The following SLC41A2 variants were observed in gnomAD, a reference collection of about 807,000 sequenced individuals.
SLC41A2 encodes the protein SLC41A1-like 1.
SLC41A2 carries 32 observed loss-of-function variants against 58.3 expected under a neutral mutation model. The ratio of observed to expected loss-of-function variants is 0.55; its 90% CI spans 0.41 to 0.74. The LOEUF (loss-of-function observed/expected upper bound fraction) is 0.74. Among genes scored for constraint, SLC41A2 ranks in the 30% least tolerant of loss-of-function variants. The probability of loss-of-function intolerance (pLI) is 0.00; values close to 1 mark genes in which losing one functional copy is unlikely to be tolerated. For missense variants in SLC41A2, 514 were observed against 680.6 expected (o/e 0.76, Z 2.72); for synonymous variants, 190 against 235.0 (o/e 0.81, Z 1.75).
chr12:104,855,955 A>G (rs1271612604), intron 8 of SLC41A2, among the ~76,000 whole-genome samples: 1 of 150,358 alleles, frequency 6.7e-6, no homozygotes, highest in African/African-American at 2.5e-5. Context: ...CTAGAAAGGA[A>G]CAGATGTGTC....
intron 1 of SLC41A2, among the ~76,000 whole-genome samples, chr12:104,954,048 GCTTTT>G (rs2048056999): frequency 6.6e-6 from 1 of 152,032 alleles, no homozygotes; most frequent in Non-Finnish European, 1.5e-5. Flanking sequence ...TTTCATTCTT[GCTTTT>G]CTTTTCTCAT....
intron 10 of SLC41A2, among the ~76,000 whole-genome samples, chr12:104,824,627 G>A (rs530493664): frequency 1.3e-5 from 2 of 152,304 alleles, no homozygotes; most frequent in Non-Finnish European, 2.9e-5. Context: ...GTCTAATTGA[G>A]CTAGCACAAG....
At chr12:104,939,044 G>T (rs1027241670) in intron 1 of SLC41A2, among the ~76,000 whole-genome samples, 2 of 152,058 alleles carry the variant, frequency 1.3e-5, no homozygotes, top group African/African-American at 4.8e-5. Context: ...CAGACTAAAG[G>T]GCAGTCCTTT....
intron 6 of SLC41A2, among the ~76,000 whole-genome samples, chr12:104,882,533 GC>G (rs1239993368): frequency 6.6e-6 from 1 of 152,038 alleles, no homozygotes; most frequent in East Asian, 1.9e-4. Flanking sequence ...AAATCTCTCA[GC>G]ATTTGCTTGT....
intron 1 of SLC41A2, among the ~76,000 whole-genome samples, chr12:104,942,325 A>C (rs2047543378): frequency 1.3e-5 from 2 of 152,008 alleles, no homozygotes; most frequent in South Asian, 4.2e-4. Flanking sequence ...CAAAAATACA[A>C]AAATTAGCCA....
At chr12:104,927,216 C>G (rs945652770) in intron 2 of SLC41A2, among the ~76,000 whole-genome samples, 5 of 151,976 alleles carry the variant, frequency 3.3e-5, no homozygotes, top group Non-Finnish European at 7.4e-5. Context: ...AATTCATACC[C>G]TAATATCCAA....
At chr12:104,936,398 A>ATG (rs1419615728) in intron 1 of SLC41A2, among the ~76,000 whole-genome samples, 1 of 152,150 alleles carries the variant, frequency 6.6e-6, no homozygotes, top group Non-Finnish European at 1.5e-5. Flanking sequence ...GCCTATGCTA[A>ATG]TGTGTGTGTG....
intron 1 of SLC41A2, among the ~76,000 whole-genome samples, chr12:104,954,240 C>A (rs1237313395): frequency 6.6e-6 from 1 of 152,178 alleles, no homozygotes; most frequent in Admixed American, 6.5e-5. Context: ...AAGAAGAAAG[C>A]AATCTGATTA....
intron 3 of SLC41A2, among the ~76,000 whole-genome samples, chr12:104,907,233 A>T (rs1168509629): frequency 4.7e-5 from 6 of 128,818 alleles, no homozygotes; most frequent in Non-Finnish European, 6.5e-5. Flanking sequence ...CATTTTTAGC[A>T]CTTCTTTACT....
intron 10 of SLC41A2, among the ~76,000 whole-genome samples, chr12:104,842,731 C>T (rs1352617735): frequency 1.3e-5 from 2 of 151,994 alleles, no homozygotes; most frequent in East Asian, 1.9e-4. Flanking sequence ...GTTTAAAAGG[C>T]ATGTAGGTAC....
intron 3 of SLC41A2, among the ~76,000 whole-genome samples, chr12:104,902,156 T>G (rs919531528): frequency 2.7e-5 from 4 of 147,320 alleles, no homozygotes; most frequent in African/African-American, 1.0e-4. Flanking sequence ...AAAAAACAGC[T>G]TTCAAATAGT....
intron 6 of SLC41A2, among the ~76,000 whole-genome samples, chr12:104,875,888 T>G (rs1262452424): frequency 6.6e-6 from 1 of 152,188 alleles, no homozygotes; most frequent in African/African-American, 2.4e-5. Flanking sequence ...ATTTGAATGT[T>G]TGGTAGAATT....
At chr12:104,887,889 G>T (rs1306386692) in intron 5 of SLC41A2, among the ~76,000 whole-genome samples, 1 of 151,984 alleles carries the variant, frequency 6.6e-6, no homozygotes, top group Non-Finnish European at 1.5e-5. Context: ...TAAAGGTCAA[G>T]TTATCATAAA....
chr12:104,826,878 T>G (rs2453164), intron 10 of SLC41A2, among the ~76,000 whole-genome samples: 74,429 of 152,088 alleles, frequency 0.49, 19,043 homozygotes, highest in Middle Eastern at 0.57. Context: ...GCAGAGAGAT[T>G]TGGGGATGAG....
At chr12:104,926,930 T>A (rs1337017202) in intron 2 of SLC41A2, among the ~76,000 whole-genome samples, 1 of 151,454 alleles carries the variant, frequency 6.6e-6, no homozygotes, top group East Asian at 1.9e-4. Context: ...TAAAAAAAAA[T>A]TTTTTTTAAT....
intron 1 of SLC41A2, among the ~76,000 whole-genome samples, chr12:104,942,573 G>C (rs2047554773): frequency 6.6e-6 from 1 of 151,772 alleles, no homozygotes; most frequent in Admixed American, 6.6e-5. Context: ...CCCCTATACA[G>C]TCACAGGAAC....
intron 2 of SLC41A2, among the ~76,000 whole-genome samples, chr12:104,925,954 T>A (rs2046820312): frequency 6.6e-6 from 1 of 152,210 alleles, no homozygotes; most frequent in African/African-American, 2.4e-5. Context: ...TTGCTCTCTC[T>A]TTGGTATTAT....
rs537589176 is a variant in SLC41A2 at position 104,896,374 on chromosome 12, G to A, written c.664-1029C>T. Among the ~76,000 whole-genome samples the A allele has an allele frequency of 6.6e-5, 10 of 152,292 alleles. No homozygotes were observed. In the East Asian group the frequency reaches 1.2e-3, roughly 18 times the overall value. On this transcript the variant is annotated intron_variant, in intron 3 of 10. Transcript: ENST00000258538. ...GTATTTCAGAATAATTATTAATGCA[G>A]TCTTTATTTACATATTTCTTTACTA... is the stretch of plus-strand genomic sequence containing the variant.
chr12:104,852,807 A>G (rs1282990514), intron 8 of SLC41A2, among the ~76,000 whole-genome samples: 1 of 152,210 alleles, frequency 6.6e-6, no homozygotes, highest in Non-Finnish European at 1.5e-5. Context: ...TTTTTAAACT[A>G]TAACAAAATT....
Sources: gnomAD v4.1 joint callset for allele counts (sites outside exome capture counted in the v4.1 genomes callset) on GRCh38, gnomAD v4.1.1 for gene constraint, MANE v1.5 for transcripts, NCBI Gene and HGNC (gene_info 2026-07-23, HGNC 2026-07-21) for gene names.